CCL28: variants seen among roughly 807,000 people sequenced by gnomAD.
CCL28 encodes the protein C-C motif chemokine ligand 28.
CCL28 carries 4 observed loss-of-function variants against 7.1 expected under a neutral mutation model. The observed-to-expected ratio is 0.56, with a 90% CI of 0.28 to 1.29. CCL28 has a LOEUF of 1.29. Among genes scored for constraint, CCL28 ranks in the 50% most tolerant of loss-of-function variants. CCL28 has a pLI of 0.11. For missense variants in CCL28, 151 were observed against 163.4 expected (o/e 0.92, Z 0.41); for synonymous variants, 55 against 57.8 (o/e 0.95, Z 0.22).
rs1740277808 is a variant in CCL28 at position 43,384,979 on chromosome 5, C to A, written c.192-2927G>T. 2.0e-5 allele frequency among the ~76,000 whole-genome samples: 3 copies of A among 151,798 alleles called. No homozygotes were observed. In the South Asian group the frequency reaches 6.2e-4, roughly 31 times the overall value. On this transcript the variant is annotated intron_variant, in intron 2 of 2. Coordinates refer to ENST00000361115, the MANE Select transcript of CCL28 (RefSeq NM_148672.3). ...TGGCGCGACCTTGGCTCACTGCAGG[C>A]TCCGCCTCCCGGGTTCACGCCATTC...
intron 1 of CCL28, among the ~76,000 whole-genome samples, chr5:43,394,213 A>G (rs1740706225): frequency 6.6e-6 from 1 of 152,188 alleles, no homozygotes; most frequent in South Asian, 2.1e-4. Flanking sequence ...TCAATTCCAC[A>G]TGTTTCAACT....
At chr5:43,408,073 A>G (rs1030964973) in intron 1 of CCL28, among the ~76,000 whole-genome samples, 1 of 152,230 alleles carries the variant, frequency 6.6e-6, no homozygotes, top group Non-Finnish European at 1.5e-5. Context: ...ATTGTGGAAG[A>G]CAGTGTGGTG....
downstream of CCL28, among the ~76,000 whole-genome samples, chr5:43,374,433 G>T (rs536698389): frequency 5.3e-5 from 8 of 152,262 alleles, no homozygotes; most frequent in Non-Finnish European, 8.8e-5. Flanking sequence ...AAAGAACATC[G>T]AATTAGCTAT....
intron 2 of CCL28, among the ~76,000 whole-genome samples, chr5:43,387,748 C>T (rs1740400409): frequency 6.6e-6 from 1 of 152,162 alleles, no homozygotes; most frequent in African/African-American, 2.4e-5. Context: ...ATCACAGCCT[C>T]CCAAGTAGCT....
At chr5:43,404,453 A>G (rs1457606690) in intron 1 of CCL28, among the ~76,000 whole-genome samples, 2 of 152,222 alleles carry the variant, frequency 1.3e-5, no homozygotes, top group African/African-American at 4.8e-5. Flanking sequence ...CAGACAAGCA[A>G]ATGCTGAGAG....
At chr5:43,393,241 C>A (rs1018411283) in intron 1 of CCL28, among the ~76,000 whole-genome samples, 2 of 152,154 alleles carry the variant, frequency 1.3e-5, no homozygotes, top group African/African-American at 4.8e-5. Context: ...GCCATGTTGC[C>A]CAGGCTGGTC....
At chr5:43,394,800 C>T (rs934912927) in intron 1 of CCL28, among the ~76,000 whole-genome samples, 3 of 152,054 alleles carry the variant, frequency 2.0e-5, no homozygotes, top group African/African-American at 7.2e-5. Context: ...TGCTAAATGC[C>T]TAGAACAGTA....
rs1231875532 is a variant in CCL28, at chr5:43,379,694, C to T, written c.*2166G>A. On this transcript the variant is annotated 3_prime_UTR_variant, in exon 3 of 3. Transcript: ENST00000361115. ...GACTAGCCAGCAGGGAGGCCCAGGA[C>T]ACCTGCCACCTGATAAAGTGGCTCC... 6.6e-6 allele frequency: 1 copy of T among 152,276 alleles called. No individual in the cohort carries two copies. Among genetic ancestry groups the T allele is most frequent in the African/African-American group, 2.4e-5 (1 of 41,452 alleles). The allele number at this position is 152,276 out of a possible 1,614,324, so 9.4% of individuals were successfully genotyped here.
At chr5:43,401,669 A>G (rs556002912) in intron 1 of CCL28, among the ~76,000 whole-genome samples, 2 of 152,358 alleles carry the variant, frequency 1.3e-5, no homozygotes, top group South Asian at 4.1e-4. Flanking sequence ...ATAAATGGAA[A>G]CAAAAAGGAC....
intron 1 of CCL28, among the ~76,000 whole-genome samples, chr5:43,391,983 GT>G (rs1284947090): frequency 6.6e-6 from 1 of 152,192 alleles, no homozygotes; most frequent in East Asian, 1.9e-4. Flanking sequence ...CTTGGGGCTT[GT>G]GTGAGAATTT....
chr5:43,374,575 G>GA, downstream of CCL28, among the ~76,000 whole-genome samples: 1 of 152,282 alleles, frequency 6.6e-6, no homozygotes, highest in East Asian at 1.9e-4. Context: ...GAGGTCAGAA[G>GA]TTCAAGACCA....
intron 1 of CCL28, among the ~76,000 whole-genome samples, chr5:43,404,879 C>A (rs1741203470): frequency 6.6e-6 from 1 of 152,122 alleles, no homozygotes; most frequent in Non-Finnish European, 1.5e-5. Context: ...ATAAGACAGA[C>A]TTTAAACCAA....
At chr5:43,360,546 G>A in the CCL28 span, among the ~76,000 whole-genome samples, 2 of 151,994 alleles carry the variant, frequency 1.3e-5, no homozygotes, top group Non-Finnish European at 2.9e-5. Context: ...CCTGCATTAG[G>A]TTGCTAAGGA....
At chr5:43,361,066 G>A in the CCL28 span, among the ~76,000 whole-genome samples, 1 of 152,178 alleles carries the variant, frequency 6.6e-6, no homozygotes, top group South Asian at 2.1e-4. Flanking sequence ...GTAAGAACAT[G>A]CAGTGTTTGG....
chr5:43,388,027 G>A (rs955991233), intron 2 of CCL28: 2 of 219,516 alleles, frequency 9.1e-6, no homozygotes, highest in Non-Finnish European at 1.8e-5. Flanking sequence ...ATATAACAGA[G>A]TTATCTTTTG....
At chr5:43,410,611 C>T (rs1395349942) in intron 1 of CCL28, among the ~76,000 whole-genome samples, 1 of 152,202 alleles carries the variant, frequency 6.6e-6, no homozygotes, top group Non-Finnish European at 1.5e-5. Context: ...ATGGCAGAGC[C>T]TTCCTCATTA....
chr5:43,367,586 A>C, the CCL28 span, among the ~76,000 whole-genome samples: 43 of 152,164 alleles, frequency 2.8e-4, no homozygotes, highest in Non-Finnish European at 5.1e-4. Context: ...AGTCCCAGTG[A>C]GGTGAGCCGT....
intron 1 of CCL28, among the ~76,000 whole-genome samples, chr5:43,394,222 C>A (rs576098716): frequency 6.6e-6 from 1 of 152,326 alleles, no homozygotes; most frequent in Non-Finnish European, 1.5e-5. Flanking sequence ...CATGTTTCAA[C>A]TAAGACACTT....
chr5:43,374,583 C>T (rs1033042686), downstream of CCL28, among the ~76,000 whole-genome samples: 1 of 152,074 alleles, frequency 6.6e-6, no homozygotes, highest in Admixed American at 6.6e-5. Context: ...AAGTTCAAGA[C>T]CAGCCTGACC....
Sources: gnomAD v4.1 joint callset for allele counts (sites outside exome capture counted in the v4.1 genomes callset) on GRCh38, gnomAD v4.1.1 for gene constraint, MANE v1.5 for transcripts, NCBI Gene and HGNC (gene_info 2026-07-23, HGNC 2026-07-21) for gene names.